The following HDAC8 variants were observed in gnomAD, a reference collection of about 807,000 sequenced individuals.
HDAC8 encodes the protein histone deacetylase 8.
A neutral mutation model predicts 32.2 loss-of-function variants in HDAC8; 1 was observed. The ratio of observed to expected loss-of-function variants is 0.03; its 90% CI spans 0.01 to 0.15. The LOEUF (loss-of-function observed/expected upper bound fraction) is 0.15. Ranked by LOEUF, HDAC8 falls within the 10% of genes least tolerant of loss-of-function variation. The pLI is 1.00. For missense variants in HDAC8, 117 were observed against 300.0 expected, an observed-to-expected ratio of 0.39 and a Z score of 4.51; for synonymous variants, 108 against 113.9, an observed-to-expected ratio of 0.95 and a Z score of 0.33.
intron 4 of HDAC8, among the ~76,000 whole-genome samples, chrX:72,532,240 G>A (rs782361448): frequency 1.1e-5 from 1 of 93,969 alleles, no homozygotes; most frequent in Non-Finnish European, 2.1e-5. Flanking sequence ...ATGCACCACC[G>A]TGTTGGGCAT....
intron 9 of HDAC8, among the ~76,000 whole-genome samples, chrX:72,429,100 C>T (rs1328497200): frequency 2.8e-5 from 3 of 107,355 alleles, no homozygotes; most frequent in Admixed American, 1.0e-4. Flanking sequence ...CCTTCCTGTG[C>T]CCTTGTCCTG....
At chrX:72,568,698 A>G in intron 3 of HDAC8, 56 bp downstream of exon 3, 1 of 1,161,159 alleles carries the variant, frequency 8.6e-7, no homozygotes, top group East Asian at 3.0e-5. Flanking sequence ...AAATCATACA[A>G]GTTATAAAAA....
chrX:72,467,522 T>C (rs914321729), intron 7 of HDAC8: 1 of 115,199 alleles, frequency 8.7e-6, no homozygotes, highest in African/African-American at 3.3e-5. Flanking sequence ...GAAGTATGCA[T>C]GCAGAAACAT....
At chrX:72,420,580 C>T (rs2046459625) in intron 9 of HDAC8, among the ~76,000 whole-genome samples, 1 of 111,886 alleles carries the variant, frequency 8.9e-6, no homozygotes, top group Non-Finnish European at 1.9e-5. Flanking sequence ...TACTATTATT[C>T]TCTGTACCTA....
chrX:72,548,412 G>C (rs1556061227), intron 4 of HDAC8, among the ~76,000 whole-genome samples: 3 of 111,604 alleles, frequency 2.7e-5, no homozygotes, highest in African/African-American at 9.8e-5. Context: ...TAACCCTCCA[G>C]CAATATTGAG....
At chrX:72,490,773 T>C (rs1220770782) in intron 6 of HDAC8, among the ~76,000 whole-genome samples, 156 bp downstream of exon 6, 1 of 110,469 alleles carries the variant, frequency 9.1e-6, no homozygotes, top group African/African-American at 3.3e-5. Flanking sequence ...ATTTACAAAA[T>C]TATCTCCTAT....
rs1412604348 is a variant in HDAC8, at chrX:72,375,443, G to A, written c.1006-23605C>T. Among the ~76,000 whole-genome samples the A allele has an allele frequency of 2.7e-5, 3 of 110,943 alleles. No homozygotes were observed. In the East Asian group the frequency reaches 8.6e-4, roughly 32 times the overall value. On this transcript the variant is annotated intron_variant, in intron 9 of 10. Transcript: ENST00000373573. ...TCTGAGTCTGAGGGCTTGAGAACCA[G>A]GAGAAATGATGGTGTAAGTTCTAGT...
At chrX:72,430,675 C>A (rs2046787632) in intron 9 of HDAC8, among the ~76,000 whole-genome samples, 3 of 111,817 alleles carry the variant, frequency 2.7e-5, no homozygotes, top group Non-Finnish European at 5.6e-5. Context: ...TGTGCTAAAC[C>A]ATGAATCACT....
rs886336224 is a variant in HDAC8 at position 72,480,359 on chromosome X, A to G, written c.737+8574T>C. ...TTATCAGTTCTTAGATTGTAATGAAATGGGGAATGTATTAGCTTGTGCTCA... is the reference window on the plus strand; with the variant it reads ...TTATCAGTTCTTAGATTGTAATGAAGTGGGGAATGTATTAGCTTGTGCTCA... On this transcript the variant is annotated intron_variant, in intron 7 of 10. Coordinates refer to ENST00000373573, the MANE Select transcript of HDAC8 (RefSeq NM_018486.3). The G allele has an allele frequency of 7.0e-5, 23 of 328,636 alleles. No homozygotes were observed. In the East Asian group the frequency reaches 1.4e-3, roughly 20 times the overall value. 27.1% of individuals were successfully genotyped at this position (328,636 alleles called of 1,213,427 possible). A position where few individuals can be genotyped will look rare whatever the true frequency, so the allele number is the denominator to read the frequency against.
intron 7 of HDAC8, among the ~76,000 whole-genome samples, chrX:72,485,994 C>T (rs1449929447): frequency 2.7e-5 from 3 of 110,478 alleles, no homozygotes; most frequent in African/African-American, 9.9e-5. Flanking sequence ...TGGTGGCAGG[C>T]GCCTGTAGTC....
chrX:72,352,330 A>G (rs7056690), intron 9 of HDAC8, among the ~76,000 whole-genome samples: 2,258 of 111,345 alleles, frequency 0.02, 56 homozygotes, highest in South Asian at 0.16. Context: ...CACCAACCCC[A>G]AGAGCATTCT....
chrX:72,432,333 G>A (rs1049888342), intron 9 of HDAC8, among the ~76,000 whole-genome samples: 2 of 110,296 alleles, frequency 1.8e-5, no homozygotes, highest in East Asian at 2.8e-4. Context: ...AGCCTTCAGT[G>A]GCTTCTGACT....
intron 9 of HDAC8, among the ~76,000 whole-genome samples, chrX:72,354,264 C>G (rs2044265404): frequency 8.9e-6 from 1 of 112,191 alleles, no homozygotes; most frequent in African/African-American, 3.2e-5. Context: ...CCCACCTTTG[C>G]CAATCAGATG....
intron 9 of HDAC8, among the ~76,000 whole-genome samples, chrX:72,447,218 C>T (rs1485604047): frequency 8.9e-6 from 1 of 112,132 alleles, no homozygotes; most frequent in Non-Finnish European, 1.9e-5. Flanking sequence ...AATTCAGCAG[C>T]ACATCAAAAA....
At chrX:72,466,618 C>T (rs1380363988) in intron 7 of HDAC8, 3 of 111,779 alleles carry the variant, frequency 2.7e-5, no homozygotes, top group African/African-American at 6.5e-5. Flanking sequence ...CTGGTGGGAA[C>T]GTAAAATGGT....
At chrX:72,562,531 A>G (rs2147561643) in intron 4 of HDAC8, among the ~76,000 whole-genome samples, 1 of 111,275 alleles carries the variant, frequency 9.0e-6, no homozygotes, top group Admixed American at 9.6e-5. Context: ...CTCGGGGGAA[A>G]GGATGAGGGG....
At chrX:72,360,935 T>C (rs1334425224) in intron 9 of HDAC8, among the ~76,000 whole-genome samples, 1 of 111,889 alleles carries the variant, frequency 8.9e-6, no homozygotes, top group Non-Finnish European at 1.9e-5. Flanking sequence ...AGTTGTTGAA[T>C]TGAACTGGCA....
chrX:72,376,146 C>G (rs1273269411), intron 9 of HDAC8, among the ~76,000 whole-genome samples: 2 of 110,543 alleles, frequency 1.8e-5, no homozygotes, highest in Non-Finnish European at 3.8e-5. Flanking sequence ...TGAGCTCAAG[C>G]GATCCTCACG....
intron 9 of HDAC8, among the ~76,000 whole-genome samples, chrX:72,419,801 C>T (rs1161405360): frequency 1.8e-5 from 2 of 111,062 alleles, no homozygotes; most frequent in Non-Finnish European, 3.8e-5. Context: ...ATTTTGATTG[C>T]TTATTTATTA....
Sources: allele counts gnomAD v4.1 joint callset (sites outside exome capture counted in the v4.1 genomes callset), GRCh38; gene constraint gnomAD v4.1.1; transcripts MANE v1.5; gene names NCBI Gene and HGNC (gene_info 2026-07-23, HGNC 2026-07-21).